The following ZER1 variants were observed in gnomAD, a reference collection of about 807,000 sequenced individuals.
The protein encoded by ZER1 is protein zer-1 homolog.
In ZER1, 11 loss-of-function variants were observed where a neutral mutation model predicts 78.8. That is an observed-to-expected ratio of 0.14 (90% CI 0.09 to 0.23). The LOEUF is 0.23. ZER1 is among the 10% of genes least tolerant of loss of function. The pLI is 1.00. For synonymous variants in ZER1, 400 were observed against 407.0 expected, an observed-to-expected ratio of 0.98 and a Z score of 0.21; for missense variants, 588 against 996.9, an observed-to-expected ratio of 0.59 and a Z score of 5.52.
rs758780515 is a variant in ZER1 at position 128,741,657 on chromosome 9, G to T, written c.1618-3C>A. The T allele has an allele frequency of 1.9e-6, 3 of 1,614,066 alleles. No homozygotes were observed. Among genetic ancestry groups the T allele is most frequent in the Non-Finnish European group, 2.5e-6 (3 of 1,180,042 alleles). On this transcript the variant is annotated splice_region_variant and splice_polypyrimidine_tract_variant and intron_variant, in intron 10 of 15. Transcript: ENST00000291900. ...GAGAACTCCATGACCTGGTCACACTGTGAGGGCAGGGCAGGGCTCAGCCAA... is the reference window on the plus strand; with the variant it reads ...GAGAACTCCATGACCTGGTCACACTTTGAGGGCAGGGCAGGGCTCAGCCAA...
chr9:128,758,326 A>C (rs546619569), intron 1 of ZER1, among the ~76,000 whole-genome samples: 1 of 152,024 alleles, frequency 6.6e-6, no homozygotes, highest in Admixed American at 6.6e-5. Context: ...AGGGTTATCC[A>C]TGTTGGCCAG....
intron 1 of ZER1, among the ~76,000 whole-genome samples, chr9:128,759,513 C>A (rs1023088338): frequency 6.7e-5 from 10 of 149,800 alleles, no homozygotes; most frequent in Admixed American, 5.3e-4. Flanking sequence ...AAGAAAATGG[C>A]GGCTGGGCAT....
chr9:128,758,126 T>TG (rs1252469143), intron 1 of ZER1, among the ~76,000 whole-genome samples: 1 of 150,858 alleles, frequency 6.6e-6, no homozygotes, highest in South Asian at 2.1e-4. Context: ...TTTAGGTTTT[T>TG]TTTTTTTTTT....
rs1189858842 is a variant in ZER1 at position 128,748,686 on chromosome 9, C to T, written c.1359+1930G>A. On this transcript the variant is annotated intron_variant, in intron 8 of 15. Coordinates refer to ENST00000291900, the MANE Select transcript of ZER1 (RefSeq NM_006336.4). ...TCCTGGGTTCCAGCAATTCTCCTGCCTCAGCCTCCCAGGTAGCTGGGACTA... is the reference window on the plus strand; with the variant it reads ...TCCTGGGTTCCAGCAATTCTCCTGCTTCAGCCTCCCAGGTAGCTGGGACTA... 2.6e-5 allele frequency among the ~76,000 whole-genome samples: 4 copies of T among 151,828 alleles called. No individual in the cohort carries two copies. In the East Asian group the frequency reaches 6.0e-4, roughly 23 times the overall value.
intron 1 of ZER1, among the ~76,000 whole-genome samples, chr9:128,766,100 C>T (rs900571799): frequency 1.6e-4 from 25 of 152,352 alleles, no homozygotes; most frequent in African/African-American, 6.0e-4. Flanking sequence ...CCTCTAATCC[C>T]AGCACTTTGG....
chr9:128,755,799 TC>T lies in ZER1; in HGVS notation c.-94-141del. 1.8e-6 allele frequency: 1 copy of T among 568,196 alleles called. No individual in the cohort carries two copies. Among genetic ancestry groups the T allele is most frequent in the South Asian group, 2.6e-5 (1 of 38,840 alleles). 35.2% of individuals were successfully genotyped at this position (568,196 alleles called of 1,614,324 possible). A position where few individuals can be genotyped will look rare whatever the true frequency, so the allele number is the denominator to read the frequency against. On this transcript the variant is annotated intron_variant, in intron 1 of 15. Transcript: ENST00000291900. This position sits in a 1 kb window ranked among gnomAD's most constrained non-coding sequence, Gnocchi z 5.6. Reference sequence around the variant, plus strand: ...CAGGGCCAGGCCCAGGTCTCCTGACTCCTTCTTTCACCCGCCTCTGCTGTGC... The same window carrying T: ...CAGGGCCAGGCCCAGGTCTCCTGACTCTTCTTTCACCCGCCTCTGCTGTGC...
intron 14 of ZER1, among the ~76,000 whole-genome samples, chr9:128,734,140 A>AT (rs1428641240): frequency 1.2e-4 from 2 of 17,332 alleles, no homozygotes; most frequent in African/African-American, 1.2e-4. Context: ...AAAAAAAAAA[A>AT]AAAAATATAT....
At chr9:128,733,567 T>A in intron 14 of ZER1, 39 bp from the exon 15 acceptor site, 1 of 1,581,530 alleles carries the variant, frequency 6.3e-7, no homozygotes, top group Non-Finnish European at 8.7e-7. Context: ...TCAGGATGGG[T>A]CTTCTTATCA....
intron 13 of ZER1, 46 bp from the exon 14 acceptor site, chr9:128,735,477 A>C: frequency 6.4e-7 from 1 of 1,569,256 alleles, no homozygotes; most frequent in South Asian, 1.2e-5. Flanking sequence ...GAGGGTGGGG[A>C]GTGTGTCTTT....
At chr9:128,734,194 A>ATG (rs1313102558) in intron 14 of ZER1, among the ~76,000 whole-genome samples, 3 of 105,284 alleles carry the variant, frequency 2.8e-5, no homozygotes, top group Non-Finnish European at 6.1e-5. Flanking sequence ...ATATATATAT[A>ATG]ATAGATATAA....
In ZER1 at chr9:128,754,607, A is replaced by C. The variant is rs78230996; in HGVS notation, c.159-648T>G. 4.3e-4 allele frequency among the ~76,000 whole-genome samples: 65 copies of C among 152,272 alleles called. 1 individual carries two copies. The East Asian group carries it at 0.012, about 28-fold the overall frequency. On this transcript the variant is annotated intron_variant, in intron 2 of 15. Transcript: ENST00000291900. The surrounding 1 kb of genome is among the most constrained non-coding windows in gnomAD (Gnocchi z 4.3). ...CGGTAAATGCTCAGGACGTTATTAC[A>C]GGTCCACCTCTGTCCTCAGGCCCAC...
rs767352532 is a variant in ZER1 at position 128,753,218 on chromosome 9, T to C, written c.692A>G (p.Asn231Ser). Residue 231 changes from asparagine to serine, a missense_variant, in exon 4 of 16, where the codon AAC (asparagine) becomes AGC (serine). Coordinates refer to ENST00000291900, the MANE Select transcript of ZER1 (RefSeq NM_006336.4). This position sits in a 1 kb window ranked among gnomAD's most constrained non-coding sequence, Gnocchi z 7.5. ...GATGTGGTCGTCGGACAGGTCCATG[T>C]TGTAGAGGACGAGGGACACCAGGCT... The part of the protein sequence containing the change: ...KDSLVSLVLY[N>S]MDLSDDHIRV... The C allele has an allele frequency of 1.1e-5, 17 of 1,583,490 alleles. No individual in the cohort carries two copies. The South Asian group carries it at 2.0e-4, about 18-fold the overall frequency.
chr9:128,739,188 T>C (rs578072049), intron 13 of ZER1, among the ~76,000 whole-genome samples: 1 of 152,062 alleles, frequency 6.6e-6, no homozygotes, highest in South Asian at 2.1e-4. Flanking sequence ...AGTCTCACTA[T>C]GTTGCCCAAG....
rs1458168617 is a variant in ZER1, at chr9:128,750,702, C to T, written c.1273G>A (p.Glu425Lys). ...TTCACACTCTGCTCTGAGCGGTACT[C>T]GGAATTTGTTAGGTAGAAGAGAGCG... ...SAALFYLTNS[E>K]YRSEQSVKLR... Residue 425 changes from glutamate (E) to lysine (K), a missense_variant, in exon 8 of 16, where the codon GAG becomes AAG. By Grantham distance (56) the Glu-to-Lys change is moderately conservative. This residue lies in a region of ZER1 where 406 missense variants were observed against 660.1 expected (regional missense o/e 0.62). Coordinates refer to ENST00000291900, the MANE Select transcript of ZER1 (RefSeq NM_006336.4). 6 of 1,614,092 alleles carry T rather than the reference C, an allele frequency of 3.7e-6. No individual in the cohort carries two copies. The highest frequency in any genetic ancestry group is 5.1e-6 in the Non-Finnish European group (6 of 1,180,050).
At chr9:128,752,915 C>T in intron 4 of ZER1, 66 bp from the exon 5 acceptor site, 1 of 1,548,154 alleles carries the variant, frequency 6.5e-7, no homozygotes, top group Non-Finnish European at 8.7e-7. Flanking sequence ...TTGCAGATCC[C>T]AGCTCCTTTA....
intron 1 of ZER1, among the ~76,000 whole-genome samples, chr9:128,766,942 T>A (rs200835028): frequency 2.5e-5 from 3 of 122,328 alleles, no homozygotes; most frequent in African/African-American, 6.3e-5. Context: ...TTATTTATTT[T>A]TCTTTCTTTT....
In ZER1 at chr9:128,754,690, CTTT is replaced by C. The variant is rs113763873; in HGVS notation, c.158+715_158+717del. Among the ~76,000 whole-genome samples the C allele has an allele frequency of 6.9e-6, 1 of 144,490 alleles. No homozygotes were observed. 94.8% of individuals were successfully genotyped at this position (144,490 alleles called of 152,430 possible). A position where few individuals can be genotyped will look rare whatever the true frequency, so the allele number is the denominator to read the frequency against. ...TAATTTCCCTTCTGGGAATCTTTTT[CTTT>C]TTTTTTTTTTGGTAGAGACAAGGTC... On this transcript the variant is annotated intron_variant, in intron 2 of 15. Transcript: ENST00000291900. The surrounding 1 kb of genome is among the most constrained non-coding windows in gnomAD (Gnocchi z 4.3).
Position 128,750,885 on chromosome 9 carries a change from C to T in ZER1, c.1186-96G>A, listed in dbSNP as rs1863654139. The stretch of plus-strand genomic sequence containing the variant: ...CAGGCTCTCTGGGGCAAGGTTTAGC[C>T]TGGTCTTGCTCTCTAAAGGCAGAAG... On this transcript the variant is annotated intron_variant, in intron 7 of 15. Transcript: ENST00000291900. 6 of 1,539,262 alleles carry T rather than the reference C, an allele frequency of 3.9e-6. No homozygotes were observed. In the South Asian group the frequency reaches 6.1e-5, roughly 16 times the overall value.
At position 128,731,163 on chromosome 9, in the gene ZER1, T is replaced by A. The variant is rs562557503; in HGVS notation, c.*174A>T. 12 of 246,400 alleles carry A rather than the reference T, an allele frequency of 4.9e-5. No homozygotes were observed. In the East Asian group the frequency reaches 7.1e-4, roughly 15 times the overall value. The allele number at this position is 246,400 out of a possible 1,614,324, so 15.3% of individuals were successfully genotyped here. A position where few individuals can be genotyped will look rare whatever the true frequency, so the allele number is the denominator to read the frequency against. On this transcript the variant is annotated 3_prime_UTR_variant, in exon 16 of 16. Transcript: ENST00000291900. ...TAACCAAAAAAAAAATATATATATA[T>A]AATATATATATATCTCACTAACATT...
Sources: allele counts gnomAD v4.1 joint callset (sites outside exome capture counted in the v4.1 genomes callset), GRCh38; gene constraint gnomAD v4.1.1; regional missense constraint gnomAD v4.1.1; non-coding constraint Gnocchi (gnomAD v3.1); transcripts MANE v1.5; gene names NCBI Gene and HGNC (gene_info 2026-07-23, HGNC 2026-07-21).